The following CLIC5 variants were observed in gnomAD, a reference collection of about 807,000 sequenced individuals.
The protein encoded by CLIC5 is chloride intracellular channel protein 5.
Under a neutral mutation model 24.7 loss-of-function variants are expected in CLIC5, and 20 were observed. The ratio of observed to expected loss-of-function variants is 0.81; its 90% CI spans 0.57 to 1.18. The LOEUF (loss-of-function observed/expected upper bound fraction) is 1.18, where lower values mean the gene tolerates loss of function less well. Among genes scored for constraint, CLIC5 ranks in the 50% most tolerant of loss-of-function variants. The pLI is 0.00. For synonymous variants in CLIC5, 159 were observed against 135.6 expected, an observed-to-expected ratio of 1.17 and a Z score of -1.20; for missense variants, 341 against 326.1, an observed-to-expected ratio of 1.05 and a Z score of -0.35.
At chr6:45,934,640 A>G (rs1333324494) in intron 4 of CLIC5, among the ~76,000 whole-genome samples, 2 of 152,204 alleles carry the variant, frequency 1.3e-5, no homozygotes, top group African/African-American at 4.8e-5. Flanking sequence ...GCGCAAAAGG[A>G]GGTTGGATGG....
At chr6:45,913,891 A>C in intron 5 of CLIC5, 1 of 1,007,232 alleles carries the variant, frequency 9.9e-7, no homozygotes, top group Non-Finnish European at 1.3e-6. Flanking sequence ...CCTATGAGGA[A>C]GAGGCCTTTG....
intron 5 of CLIC5, among the ~76,000 whole-genome samples, chr6:45,904,457 T>G (rs991819903): frequency 6.6e-6 from 1 of 151,726 alleles, no homozygotes; most frequent in Non-Finnish European, 1.5e-5. Context: ...AGAGCCCTGC[T>G]GTTGATTTAA....
chr6:46,026,009 AC>A (rs1289000699), intron 1 of CLIC5, among the ~76,000 whole-genome samples: 1 of 152,204 alleles, frequency 6.6e-6, no homozygotes, highest in East Asian at 1.9e-4. Context: ...TTTATAAATT[AC>A]CCAGTCTCAG....
intron 1 of CLIC5, among the ~76,000 whole-genome samples, chr6:46,071,766 A>G (rs952292971): frequency 2.0e-5 from 3 of 152,192 alleles, no homozygotes; most frequent in Non-Finnish European, 4.4e-5. Flanking sequence ...AAATTGTTCT[A>G]TCATAAAGAC....
chr6:45,884,889 G>A (rs991986820), intron 6 of CLIC5, among the ~76,000 whole-genome samples: 2 of 145,380 alleles, frequency 1.4e-5, no homozygotes, highest in Admixed American at 7.0e-5. Context: ...CTGTCCGGAG[G>A]TTAATAATGA....
chr6:45,974,301 G>C (rs1765304916), intron 1 of CLIC5, among the ~76,000 whole-genome samples: 1 of 151,718 alleles, frequency 6.6e-6, no homozygotes, highest in African/African-American at 2.4e-5. Flanking sequence ...GACAGCAAGA[G>C]TCAAATGAGA....
intron 5 of CLIC5, among the ~76,000 whole-genome samples, chr6:45,908,226 T>C (rs1762714981): frequency 6.6e-6 from 1 of 152,144 alleles, no homozygotes; most frequent in Admixed American, 6.5e-5. Flanking sequence ...AAACCAACTT[T>C]TGGTTTCATT....
chr6:45,979,452 G>T (rs886929984), intron 1 of CLIC5, among the ~76,000 whole-genome samples: 4 of 152,204 alleles, frequency 2.6e-5, no homozygotes, highest in Non-Finnish European at 5.9e-5. Context: ...TGAATTAAGA[G>T]CCTGTCTCTG....
chr6:46,036,457 C>A (rs1289118495), intron 1 of CLIC5, among the ~76,000 whole-genome samples: 1 of 151,782 alleles, frequency 6.6e-6, no homozygotes, highest in Non-Finnish European at 1.5e-5. Flanking sequence ...ACTACAGGCG[C>A]CTGCCACCAC....
At chr6:46,023,880 T>A (rs191715578) in intron 1 of CLIC5, among the ~76,000 whole-genome samples, 3 of 145,756 alleles carry the variant, frequency 2.1e-5, no homozygotes, top group Non-Finnish European at 4.5e-5. Flanking sequence ...TAAATACATA[T>A]AACAAAATTC....
chr6:46,084,318 A>G (rs1220255235), upstream of CLIC5, among the ~76,000 whole-genome samples: 6 of 152,130 alleles, frequency 3.9e-5, no homozygotes, highest in Non-Finnish European at 7.3e-5. Flanking sequence ...TCCTGTCATT[A>G]TGATGTTAGC....
At chr6:45,937,026 C>T (rs1763961704) in intron 4 of CLIC5, among the ~76,000 whole-genome samples, 1 of 151,970 alleles carries the variant, frequency 6.6e-6, no homozygotes, top group African/African-American at 2.4e-5. Flanking sequence ...CAGTGATAGG[C>T]CTAAACACGG....
intron 1 of CLIC5, among the ~76,000 whole-genome samples, chr6:46,027,115 A>G (rs1357393146): frequency 6.6e-6 from 1 of 152,214 alleles, no homozygotes. Flanking sequence ...TGGGTCTTGC[A>G]ATCCATTGTG....
the CLIC5 span, among the ~76,000 whole-genome samples, chr6:46,087,989 C>T: frequency 6.6e-6 from 1 of 152,094 alleles, no homozygotes; most frequent in African/African-American, 2.4e-5. Context: ...AGCTTTCTCA[C>T]CCCAGGTTCT....
At chr6:46,095,244 G>A in the CLIC5 span, among the ~76,000 whole-genome samples, 1 of 152,162 alleles carries the variant, frequency 6.6e-6, no homozygotes, top group East Asian at 1.9e-4. Context: ...TGCCTTCAAG[G>A]CCTTTCCTCC....
At chr6:46,019,935 T>C (rs1170333305), upstream of CLIC5, among the ~76,000 whole-genome samples, 8 of 151,964 alleles carry the variant, frequency 5.3e-5, no homozygotes, top group East Asian at 1.9e-4. Context: ...CAATAGCTGA[T>C]GGAACTGAAA....
chr6:45,895,305 C>T (rs1348624666), downstream of CLIC5, among the ~76,000 whole-genome samples: 1 of 152,146 alleles, frequency 6.6e-6, no homozygotes, highest in African/African-American at 2.4e-5. Flanking sequence ...AATCTAGGCA[C>T]AAGTTTGTGG....
rs547640338 is a variant in CLIC5 at position 45,930,777 on chromosome 6, G to A, written c.406+10770C>T. ...CATATTGGTGCCTACTGTGTGCCAGGAACTGTCCTAAGTGATTTATATGCA... is the reference window on the plus strand; with the variant it reads ...CATATTGGTGCCTACTGTGTGCCAGAAACTGTCCTAAGTGATTTATATGCA... On this transcript the variant is annotated intron_variant, in intron 4 of 5. Coordinates refer to ENST00000339561, the MANE Select transcript of CLIC5 (RefSeq NM_016929.5). Among the ~76,000 whole-genome samples the A allele has an allele frequency of 2.0e-3, 299 of 152,260 alleles. 2 individuals carry two copies. Among genetic ancestry groups the A allele is most frequent in the Non-Finnish European group, 3.2e-3 (217 of 68,010 alleles).
intron 6 of CLIC5, among the ~76,000 whole-genome samples, chr6:45,891,719 A>C (rs1762350017): frequency 6.6e-6 from 1 of 152,056 alleles, no homozygotes; most frequent in Admixed American, 6.6e-5. Flanking sequence ...GGAGCAAATA[A>C]ATTGTTAACA....
Sources: allele counts gnomAD v4.1 joint callset (sites outside exome capture counted in the v4.1 genomes callset), GRCh38; gene constraint gnomAD v4.1.1; transcripts MANE v1.5; gene names NCBI Gene and HGNC (gene_info 2026-07-23, HGNC 2026-07-21).